CAMK1D: variants seen among roughly 807,000 people sequenced by gnomAD.
CAMK1D encodes calcium/calmodulin dependent protein kinase ID.
In CAMK1D, 9 loss-of-function variants were observed where a neutral mutation model predicts 47.7. That is an observed-to-expected ratio of 0.19 (90% CI 0.11 to 0.33). CAMK1D has a LOEUF of 0.33. Ranked by LOEUF, CAMK1D falls within the 10% of genes least tolerant of loss-of-function variation. The pLI is 1.00. For synonymous variants in CAMK1D, 184 were observed against 184.9 expected (o/e 0.99, Z 0.04); for missense variants, 291 against 488.7 (o/e 0.60, Z 3.81).
chr10:12,634,190 T>C (rs1839453043), intron 2 of CAMK1D, among the ~76,000 whole-genome samples: 1 of 152,234 alleles, frequency 6.6e-6, no homozygotes, highest in Admixed American at 6.5e-5. Flanking sequence ...TGCATGTTGC[T>C]GAGTAATTTC....
intron 2 of CAMK1D, among the ~76,000 whole-genome samples, chr10:12,611,077 T>G (rs1838605030): frequency 6.6e-6 from 1 of 152,114 alleles, no homozygotes; most frequent in Non-Finnish European, 1.5e-5. Context: ...ACAGAGATAT[T>G]TAGTGCTTTG....
intron 6 of CAMK1D, among the ~76,000 whole-genome samples, chr10:12,807,337 G>C (rs1277842511): frequency 1.3e-5 from 2 of 152,242 alleles, no homozygotes; most frequent in Non-Finnish European, 2.9e-5. Context: ...GCCTAGCACT[G>C]ATGCGGCCAC....
chr10:12,724,544 G>A (rs1309725238), intron 3 of CAMK1D, among the ~76,000 whole-genome samples: 1 of 152,162 alleles, frequency 6.6e-6, no homozygotes, highest in African/African-American at 2.4e-5. Context: ...GTGATTGCTG[G>A]ACAAAAGCAA....
chr10:12,757,239 C>A (rs1196710860), intron 3 of CAMK1D, among the ~76,000 whole-genome samples: 1 of 152,134 alleles, frequency 6.6e-6, no homozygotes, highest in Non-Finnish European at 1.5e-5. Flanking sequence ...TCCCAAAGTG[C>A]TGGGATTACA....
Position 12,726,474 on chromosome 10 carries a change from T to A in CAMK1D, c.300-34474T>A, listed in dbSNP as rs1435306966. On this transcript the variant is annotated intron_variant, in intron 3 of 10. Transcript: ENST00000619168. ...TAAAAAAAGAAGGGAATACTGTAGT[T>A]AAGCGGAAAGCTGACTTACACATTG... Among the ~76,000 whole-genome samples, 4 of 152,236 alleles carry A rather than the reference T, an allele frequency of 2.6e-5. No individual in the cohort carries two copies. In the South Asian group the frequency reaches 8.3e-4, roughly 32 times the overall value.
At chr10:12,585,301 C>G (rs1837782690) in intron 2 of CAMK1D, among the ~76,000 whole-genome samples, 1 of 152,196 alleles carries the variant, frequency 6.6e-6, no homozygotes, top group Non-Finnish European at 1.5e-5. Flanking sequence ...TTCTGGCACT[C>G]AGTGATGCCG....
chr10:12,454,649 G>A lies in CAMK1D; in HGVS notation c.93-98576G>A, dbSNP rs1433549334. 2.0e-5 allele frequency among the ~76,000 whole-genome samples: 3 copies of A among 152,032 alleles called. No individual in the cohort carries two copies. The East Asian group carries it at 5.8e-4, about 29-fold the overall frequency. On this transcript the variant is annotated intron_variant, in intron 1 of 10. Transcript: ENST00000619168. ...GGCAAATTTTAAAATTTTTTGTAGA[G>A]ATGGAGTCTCGCTGTGTTCCCCAGG...
At chr10:12,691,400 TATAAATATATATATATATA>T (rs1832909935) in intron 3 of CAMK1D, among the ~76,000 whole-genome samples, 5 of 7,558 alleles carry the variant, frequency 6.6e-4, no homozygotes, top group Non-Finnish European at 1.1e-3. Flanking sequence ...TATATATATA[TATAAATATATATATATATA>T]TATTTTTTTT....
At position 12,807,791 on chromosome 10, in the gene CAMK1D, G is replaced by A. The variant is rs10906228; in HGVS notation, c.642-6404G>A. On this transcript the variant is annotated intron_variant, in intron 6 of 10. Coordinates refer to ENST00000619168, the MANE Select transcript of CAMK1D (RefSeq NM_153498.4). ...TTCTGTCTGAACTGTCCGTTCCTCC[G>A]TCCAGCTCCACTGCAGGCCCCCCTG... Among the ~76,000 whole-genome samples, 9 of 152,148 alleles carry A rather than the reference G, an allele frequency of 5.9e-5. No individual in the cohort carries two copies. The South Asian group carries it at 1.2e-3, about 21-fold the overall frequency.
At chr10:12,440,224 G>T (rs17490598) in intron 1 of CAMK1D, among the ~76,000 whole-genome samples, 4,977 of 151,902 alleles carry the variant, frequency 0.033, 133 homozygotes, top group Middle Eastern at 0.065. Flanking sequence ...CTTGCATTAT[G>T]TTGTAATTAT....
At position 12,525,249 on chromosome 10, in the gene CAMK1D, T is replaced by C. The variant is rs968531391; in HGVS notation, c.93-27976T>C. On this transcript the variant is annotated intron_variant, in intron 1 of 10. Transcript: ENST00000619168. ...TTGCTTGGGATTTGATGAACTTCTG[T>C]AATCAGTACCTAATGTCTTTCGCCA... Among the ~76,000 whole-genome samples the C allele has an allele frequency of 2.0e-5, 3 of 152,224 alleles. No homozygotes were observed. In the South Asian group the frequency reaches 6.2e-4, roughly 32 times the overall value.
chr10:12,354,292 C>T (rs1837434946), intron 1 of CAMK1D, among the ~76,000 whole-genome samples: 1 of 152,096 alleles, frequency 6.6e-6, no homozygotes, highest in Non-Finnish European at 1.5e-5. Flanking sequence ...TCTGGTTCAG[C>T]CATGAGGGGT....
At chr10:12,461,906 T>C (rs1317953429) in intron 1 of CAMK1D, among the ~76,000 whole-genome samples, 2 of 152,208 alleles carry the variant, frequency 1.3e-5, no homozygotes, top group African/African-American at 2.4e-5. Flanking sequence ...ACTGTTTTTC[T>C]TGGGAACTGT....
rs535193038 is a variant in CAMK1D at position 12,689,547 on chromosome 10, C to T, written c.299+22737C>T. Among the ~76,000 whole-genome samples the T allele has an allele frequency of 2.0e-4, 30 of 152,166 alleles. No individual in the cohort carries two copies. The East Asian group carries it at 2.5e-3, about 13-fold the overall frequency. On this transcript the variant is annotated intron_variant, in intron 3 of 10. Coordinates refer to ENST00000619168, the MANE Select transcript of CAMK1D (RefSeq NM_153498.4). The stretch of plus-strand genomic sequence containing the variant: ...ATCCCAGCACTTTGGGAGGCCGAGG[C>T]GGGCGGATCACCTGAGGCCAGGAGT...
intron 3 of CAMK1D, among the ~76,000 whole-genome samples, chr10:12,705,290 G>A (rs994200256): frequency 2.6e-5 from 4 of 152,046 alleles, no homozygotes; most frequent in East Asian, 1.9e-4. Context: ...GTGGAACCTC[G>A]TCTCTACTAA....
intron 1 of CAMK1D, among the ~76,000 whole-genome samples, chr10:12,402,233 CGCCTGACT>C (rs2131919250): frequency 6.6e-6 from 1 of 151,922 alleles, no homozygotes; most frequent in African/African-American, 2.4e-5. Flanking sequence ...CGAGCCACCG[CGCCTGACT>C]GCCATTTTTT....
At chr10:12,787,511 G>A (rs1837782515) in intron 5 of CAMK1D, among the ~76,000 whole-genome samples, 1 of 152,182 alleles carries the variant, frequency 6.6e-6, no homozygotes, top group Non-Finnish European at 1.5e-5. Context: ...TCCTAGGCAG[G>A]AAGCCTGCTC....
At chr10:12,788,505 CTGGT>C (rs1837833029) in intron 5 of CAMK1D, among the ~76,000 whole-genome samples, 1 of 152,224 alleles carries the variant, frequency 6.6e-6, no homozygotes, top group Non-Finnish European at 1.5e-5. Context: ...GGAGGGGAAG[CTGGT>C]CAGCCGTTGC....
intron 2 of CAMK1D, among the ~76,000 whole-genome samples, chr10:12,657,423 C>CA (rs1425265689): frequency 1.6e-5 from 1 of 61,350 alleles, no homozygotes; most frequent in Non-Finnish European, 3.9e-5. Context: ...GACTCTGTCT[C>CA]ATAAAAATAA....
Sources: gnomAD v4.1 joint callset for allele counts (sites outside exome capture counted in the v4.1 genomes callset) on GRCh38, gnomAD v4.1.1 for gene constraint, MANE v1.5 for transcripts, NCBI Gene and HGNC (gene_info 2026-07-23, HGNC 2026-07-21) for gene names.